Variants in BICDL1 observed in about 807,000 individuals in gnomAD.
BICDL1 encodes BICD family-like cargo adapter 1.
A neutral mutation model predicts 76.8 loss-of-function variants in BICDL1; 20 were observed. The ratio of observed to expected loss-of-function variants is 0.26; its 90% CI spans 0.18 to 0.38. The LOEUF (loss-of-function observed/expected upper bound fraction) is 0.38. BICDL1 is among the 10% of genes least tolerant of loss of function. The probability of loss-of-function intolerance (pLI) is 1.00; values close to 1 mark genes in which losing one functional copy is unlikely to be tolerated. For missense variants in BICDL1, 700 were observed against 798.6 expected, an observed-to-expected ratio of 0.88 and a Z score of 1.49; for synonymous variants, 383 against 337.1, an observed-to-expected ratio of 1.14 and a Z score of -1.49.
At chr12:120,049,182 A>C (rs1229085765) in intron 2 of BICDL1, among the ~76,000 whole-genome samples, 1 of 152,216 alleles carries the variant, frequency 6.6e-6, no homozygotes, top group Non-Finnish European at 1.5e-5. Context: ...GGAGCACAGA[A>C]AGCTTCTGGG....
chr12:120,043,788 A>G (rs1174358091), intron 2 of BICDL1, among the ~76,000 whole-genome samples: 2 of 152,260 alleles, frequency 1.3e-5, no homozygotes, highest in South Asian at 2.1e-4. Context: ...TAAGGTGTTC[A>G]GATTTTATCT....
Position 120,071,237 on chromosome 12 carries a change from G to A in BICDL1, c.910-385G>A, listed in dbSNP as rs1382759040. On this transcript the variant is annotated intron_variant, in intron 4 of 9. Transcript: ENST00000548673. The surrounding 1 kb of genome is among the most constrained non-coding windows in gnomAD (Gnocchi z 4.8). The stretch of plus-strand genomic sequence containing the variant: ...AGCTCATTGCAACGTCCGCCTCCTG[G>A]GTTCAAGCGATTCTCCTGCCTCATT... Among the ~76,000 whole-genome samples, 1 of 151,508 alleles carries A rather than the reference G, an allele frequency of 6.6e-6. No homozygotes were observed. The highest frequency in any genetic ancestry group is 2.4e-5 in the African/African-American group (1 of 41,162).
intron 2 of BICDL1, among the ~76,000 whole-genome samples, chr12:120,058,693 C>T (rs1257216662): frequency 1.3e-5 from 2 of 149,700 alleles, no homozygotes; most frequent in East Asian, 2.0e-4. Context: ...TGGGTTTAAG[C>T]GATTCTCCTG....
At chr12:120,055,111 G>A (rs1220322734) in intron 2 of BICDL1, among the ~76,000 whole-genome samples, 1 of 152,102 alleles carries the variant, frequency 6.6e-6, no homozygotes, top group Non-Finnish European at 1.5e-5. Context: ...CCCAAAAGGT[G>A]CCCATTATCC....
intron 2 of BICDL1, chr12:120,019,021 GGCGACA>G (rs1952124017): frequency 6.6e-6 from 1 of 150,410 alleles, no homozygotes; most frequent in South Asian, 2.1e-4. Flanking sequence ...CTCCAGCCTG[GGCGACA>G]GAGCGAGACT....
intron 2 of BICDL1, among the ~76,000 whole-genome samples, chr12:120,052,928 C>T (rs911564296): frequency 1.3e-5 from 2 of 151,750 alleles, no homozygotes; most frequent in Non-Finnish European, 2.9e-5. Flanking sequence ...TACAGGCACC[C>T]GCCACCACAC....
At chr12:120,002,237 A>G (rs758538249) in intron 2 of BICDL1, among the ~76,000 whole-genome samples, 28 of 152,160 alleles carry the variant, frequency 1.8e-4, no homozygotes, top group Non-Finnish European at 3.4e-4. Context: ...TTTTAATTTG[A>G]TTACCTATGT....
At chr12:120,067,497 A>G (rs1230098953) in intron 4 of BICDL1, among the ~76,000 whole-genome samples, 1 of 152,210 alleles carries the variant, frequency 6.6e-6, no homozygotes. Context: ...TTTGTCATAT[A>G]AAGGATGATG....
intron 2 of BICDL1, among the ~76,000 whole-genome samples, chr12:120,030,747 C>T (rs1952404896): frequency 6.6e-6 from 1 of 152,110 alleles, no homozygotes; most frequent in Non-Finnish European, 1.5e-5. Flanking sequence ...GAAATATATA[C>T]ATCTCATATT....
intron 2 of BICDL1, among the ~76,000 whole-genome samples, chr12:120,051,405 A>G (rs761016538): frequency 5.5e-4 from 84 of 152,334 alleles, no homozygotes; most frequent in Admixed American, 1.2e-3. Context: ...CTTATAGTCT[A>G]TATCTGATAA....
At chr12:120,073,359 T>G (rs903186215) in intron 6 of BICDL1, among the ~76,000 whole-genome samples, 3 of 152,244 alleles carry the variant, frequency 2.0e-5, no homozygotes, top group East Asian at 1.9e-4. Flanking sequence ...ATATAGAAGT[T>G]TGTATCCAAG....
chr12:120,014,046 G>A (rs1952011956), intron 2 of BICDL1, among the ~76,000 whole-genome samples: 1 of 152,204 alleles, frequency 6.6e-6, no homozygotes, highest in African/African-American at 2.4e-5. Context: ...TAAGGTCACA[G>A]CCAGTAAACC....
rs758580208 is a variant in BICDL1 at position 119,998,657 on chromosome 12, G to A, written c.566G>A (p.Arg189Gln). ...DELERQQIHL[R>Q]EADREKSRAV... is the part of the protein sequence containing the mutation. ...TTGGAGAGGCAGCAGATTCATCTGC[G>A]GGAAGCAGATCGAGAAAAATCACGG... The change falls in exon 2 of 10, where the codon CGG becomes CAG. Residue 189 changes from arginine to glutamine, a missense_variant. Transcript: ENST00000548673. 11 of 1,613,980 alleles carry A rather than the reference G, an allele frequency of 6.8e-6. No individual in the cohort carries two copies. The highest frequency in any genetic ancestry group is 6.7e-5 in the East Asian group (3 of 44,896).
chr12:120,036,779 G>A lies in BICDL1; in HGVS notation c.646-24931G>A, dbSNP rs544399918. Among the ~76,000 whole-genome samples, 17 of 152,342 alleles carry A rather than the reference G, an allele frequency of 1.1e-4. No individual in the cohort carries two copies. The East Asian group carries it at 2.7e-3, about 24-fold the overall frequency. On this transcript the variant is annotated intron_variant, in intron 2 of 9. Coordinates refer to ENST00000548673, the MANE Select transcript of BICDL1 (RefSeq NM_001367886.1). ...TAGTCCCAGCTACTCGGGAGGCTGA[G>A]ACAGAAGAATCACTTGAACCCGGAA...
chr12:120,044,593 T>A (rs1016370856), intron 2 of BICDL1, among the ~76,000 whole-genome samples: 1 of 152,246 alleles, frequency 6.6e-6, no homozygotes, highest in African/African-American at 2.4e-5. Flanking sequence ...AATCTCCTTT[T>A]GAAAGTATAA....
intron 2 of BICDL1, among the ~76,000 whole-genome samples, chr12:120,015,401 G>A (rs940201562): frequency 6.6e-6 from 1 of 152,136 alleles, no homozygotes; most frequent in African/African-American, 2.4e-5. Flanking sequence ...TACCACCGTT[G>A]GAATTTCCCC....
rs202113895 is a variant in BICDL1 at position 120,021,904 on chromosome 12, CAAATAAAATA to C, written c.645+23186_645+23195del. On this transcript the variant is annotated intron_variant, in intron 2 of 9. Coordinates refer to ENST00000548673, the MANE Select transcript of BICDL1 (RefSeq NM_001367886.1). ...TATGCAACAGAGCGAGGCTCTGTCT[CAAATAAAATA>C]AAATAAAATAAAATAAATAAAAAAA... 3.6e-3 allele frequency among the ~76,000 whole-genome samples: 502 copies of C among 139,384 alleles called. 14 individuals carry two copies. The highest frequency in any genetic ancestry group is 8.3e-3 in the South Asian group (37 of 4,450). The allele number at this position is 139,384 out of a possible 152,430, so 91.4% of individuals were successfully genotyped here. A position where few individuals can be genotyped will look rare whatever the true frequency, so the allele number is the denominator to read the frequency against.
intron 2 of BICDL1, among the ~76,000 whole-genome samples, chr12:120,050,069 A>G (rs1344956065): frequency 2.6e-5 from 4 of 152,124 alleles, no homozygotes; most frequent in Admixed American, 1.3e-4. Flanking sequence ...GATGGGGAGC[A>G]CTTCTTCATG....
chr12:120,000,942 T>G (rs1282104888), intron 2 of BICDL1, among the ~76,000 whole-genome samples: 1 of 152,234 alleles, frequency 6.6e-6, no homozygotes, highest in Non-Finnish European at 1.5e-5. Context: ...GTCTTTATAA[T>G]TTGTTCACTT....
Sources: allele counts gnomAD v4.1 joint callset (sites outside exome capture counted in the v4.1 genomes callset), GRCh38; gene constraint gnomAD v4.1.1; non-coding constraint Gnocchi (gnomAD v3.1); transcripts MANE v1.5; gene names NCBI Gene and HGNC (gene_info 2026-07-23, HGNC 2026-07-21).